Variants in HSPA4L observed in about 807,000 individuals in gnomAD.
HSPA4L encodes heat shock 70 kDa protein 4L.
Under a neutral mutation model 100.3 loss-of-function variants are expected in HSPA4L, and 48 were observed. The observed-to-expected ratio is 0.48, with a 90% CI of 0.38 to 0.61. The LOEUF is 0.61. Among genes scored for constraint, HSPA4L ranks in the 20% least tolerant of loss-of-function variants. The pLI is 0.00. For synonymous variants in HSPA4L, 319 were observed against 328.2 expected (o/e 0.97, Z 0.30); for missense variants, 886 against 988.6 (o/e 0.90, Z 1.39).
At chr4:127,826,647 C>T (rs1445684411) in intron 16 of HSPA4L, among the ~76,000 whole-genome samples, 1 of 152,104 alleles carries the variant, frequency 6.6e-6, no homozygotes, top group African/African-American at 2.4e-5. Flanking sequence ...GTATAATTTC[C>T]TTTTAACTTT....
chr4:127,787,526 A>AT (rs1578686922), intron 1 of HSPA4L, among the ~76,000 whole-genome samples: 2 of 152,126 alleles, frequency 1.3e-5, no homozygotes, highest in Non-Finnish European at 2.9e-5. Context: ...CATAACTGGG[A>AT]TTTTTTAACA....
chr4:127,782,903 C>G (rs1732606135), intron 1 of HSPA4L, among the ~76,000 whole-genome samples: 1 of 152,164 alleles, frequency 6.6e-6, no homozygotes, highest in Non-Finnish European at 1.5e-5. Context: ...GCTCTCTTTT[C>G]TGTACCTACG....
chr4:127,825,211 T>C (rs142112017), intron 16 of HSPA4L, among the ~76,000 whole-genome samples: 65 of 152,220 alleles, frequency 4.3e-4, no homozygotes, highest in African/African-American at 1.4e-3. Context: ...GTATGGATCA[T>C]AGCAGTTCTT....
rs564089588 is a variant in HSPA4L, at chr4:127,830,620, CT to C, written c.2167-7del. On this transcript the variant is annotated splice_polypyrimidine_tract_variant and intron_variant, in intron 17 of 18. Transcript: ENST00000296464. ...GAAAAATCATTAACATGCAGTCAAG[CT>C]TTTTTTTTTTAAATAGGATGAAAGA... 50,964 of 1,034,874 alleles carry C rather than the reference CT, an allele frequency of 0.049. 1 individual carries two copies. Among genetic ancestry groups the C allele is most frequent in the South Asian group, 0.088 (4,813 of 54,768 alleles). 64.1% of individuals were successfully genotyped at this position (1,034,874 alleles called of 1,614,324 possible).
chr4:127,796,152 T>C (rs1162830664), intron 3 of HSPA4L, among the ~76,000 whole-genome samples: 3 of 152,068 alleles, frequency 2.0e-5, no homozygotes, highest in Non-Finnish European at 4.4e-5. Context: ...GAATAGTTTT[T>C]AGGGGATAAA....
chr4:127,838,547 G>A lies in HSPA4L; in HGVS notation c.*5673G>A, dbSNP rs183246236. The A allele has an allele frequency of 7.2e-5, 11 of 152,144 alleles. No homozygotes were observed. The highest frequency in any genetic ancestry group is 3.9e-4 in the Admixed American group (6 of 15,286). The allele number at this position is 152,144 out of a possible 1,614,324, so 9.4% of individuals were successfully genotyped here. A position where few individuals can be genotyped will look rare whatever the true frequency, so the allele number is the denominator to read the frequency against. ...CTTTGCTTTGGAATCTCTAATTTAC[G>A]GTCATGCCCTAAGTCACAGGATGAT... On this transcript the variant is annotated 3_prime_UTR_variant, in exon 19 of 19. Transcript: ENST00000296464.
In HSPA4L at chr4:127,803,833, T is replaced by A; in HGVS notation, c.868T>A (p.Cys290Ser). Residue 290 changes from cysteine to serine, a missense_variant, in exon 7 of 19, where the codon TGT (cysteine) becomes AGT (serine). Cys to Ser is a moderately radical substitution (Grantham distance 112, BLOSUM62 -1). Transcript: ENST00000296464. The part of the protein sequence containing the change: ...NASDLPLNIE[C>S]FMNDLDVSSK... ...ATCAGATCTTCCATTGAACATTGAG[T>A]GTTTCATGAATGACCTTGATGTTTC... 1 of 1,613,872 alleles carries A rather than the reference T, an allele frequency of 6.2e-7. No individual in the cohort carries two copies. The highest frequency in any genetic ancestry group is 8.5e-7 in the Non-Finnish European group (1 of 1,179,864).
intron 11 of HSPA4L, 133 bp from the exon 12 acceptor site, chr4:127,811,304 A>G (rs538211224): frequency 1.5e-6 from 1 of 657,600 alleles, no homozygotes; most frequent in Non-Finnish European, 2.7e-6. Context: ...CATAGTGATC[A>G]ATCAGGATAT....
intron 1 of HSPA4L, among the ~76,000 whole-genome samples, chr4:127,788,037 G>A (rs919657400): frequency 1.3e-5 from 2 of 151,910 alleles, no homozygotes; most frequent in African/African-American, 4.8e-5. Context: ...TGATATTTGT[G>A]TTTGAACCAA....
At chr4:127,830,522 G>A in intron 17 of HSPA4L, 116 bp from the exon 18 acceptor site, 1 of 689,036 alleles carries the variant, frequency 1.5e-6, no homozygotes. Context: ...CTTCAGATGA[G>A]TACATTTGAG....
chr4:127,798,833 G>A, intron 4 of HSPA4L, 124 bp downstream of exon 4: 2 of 878,580 alleles, frequency 2.3e-6, no homozygotes, highest in Non-Finnish European at 3.2e-6. Flanking sequence ...AAATCCATCT[G>A]ACTTTCTTTT....
chr4:127,828,231 C>A (rs1733997245), intron 17 of HSPA4L, among the ~76,000 whole-genome samples: 1 of 151,940 alleles, frequency 6.6e-6, no homozygotes. Flanking sequence ...TTTTTTAATC[C>A]CTACTCTAAG....
intron 14 of HSPA4L, among the ~76,000 whole-genome samples, chr4:127,821,186 A>G (rs1410556545): frequency 6.6e-6 from 1 of 152,090 alleles, no homozygotes; most frequent in Non-Finnish European, 1.5e-5. Flanking sequence ...TGTAGTACCT[A>G]CCTATATCAT....
At chr4:127,803,169 T>A (rs1322270987) in intron 6 of HSPA4L, among the ~76,000 whole-genome samples, 1 of 152,172 alleles carries the variant, frequency 6.6e-6, no homozygotes, top group African/African-American at 2.4e-5. Flanking sequence ...TTTGTAATAG[T>A]CAAAAGGCCT....
At chr4:127,821,704 A>G (rs1485015997) in intron 14 of HSPA4L, among the ~76,000 whole-genome samples, 1 of 152,044 alleles carries the variant, frequency 6.6e-6, no homozygotes, top group Non-Finnish European at 1.5e-5. Context: ...CCACTATACC[A>G]TATCCACCCC....
intron 5 of HSPA4L, 26 bp downstream of exon 5, chr4:127,801,263 AC>A (rs1292849928): frequency 6.8e-7 from 1 of 1,475,886 alleles, no homozygotes. Flanking sequence ...TTTGAAAATC[AC>A]TATAAGCAAA....
In HSPA4L at chr4:127,838,898, C is replaced by T. The variant is rs937342112; in HGVS notation, c.*6024C>T. 3.9e-5 allele frequency: 6 copies of T among 151,910 alleles called. No individual in the cohort carries two copies. Among genetic ancestry groups the T allele is most frequent in the African/African-American group, 7.3e-5 (3 of 41,328 alleles). The allele number at this position is 151,910 out of a possible 1,614,324, so 9.4% of individuals were successfully genotyped here. On this transcript the variant is annotated 3_prime_UTR_variant, in exon 19 of 19. Coordinates refer to ENST00000296464, the MANE Select transcript of HSPA4L (RefSeq NM_014278.4). ...TTTCCTTTTTAATATTTATTCTTCC[C>T]GTTAAGGGTTTTTTGGCTATAAATT...
intron 8 of HSPA4L, among the ~76,000 whole-genome samples, chr4:127,804,608 AAC>A (rs56013070): frequency 0.069 from 9,960 of 144,200 alleles, 394 homozygotes; most frequent in African/African-American, 0.1. Flanking sequence ...TCTGTCTCAA[AAC>A]ACACACACAC....
chr4:127,808,045 A>T lies in HSPA4L; in HGVS notation c.1294A>T (p.Ile432Phe). The change falls in exon 11 of 19, where the codon ATT becomes TTT. Residue 432 changes from isoleucine (I) to phenylalanine (F), a missense_variant. Coordinates refer to ENST00000296464, the MANE Select transcript of HSPA4L (RefSeq NM_014278.4). The stretch of plus-strand genomic sequence containing the variant: ...CCATCCTGCCCCATTCTCAAAAGTC[A>T]TTACTTTCCACAAGAAGGAACCATT... The part of the protein sequence containing the change: ...KNHPAPFSKV[I>F]TFHKKEPFEL... The T allele has an allele frequency of 6.2e-7, 1 of 1,613,100 alleles. No individual in the cohort carries two copies. Among genetic ancestry groups the T allele is most frequent in the Non-Finnish European group, 8.5e-7 (1 of 1,179,352 alleles).
Sources: allele counts gnomAD v4.1 joint callset (sites outside exome capture counted in the v4.1 genomes callset), GRCh38; gene constraint gnomAD v4.1.1; transcripts MANE v1.5; gene names NCBI Gene and HGNC (gene_info 2026-07-23, HGNC 2026-07-21).